BANP: variants seen among roughly 807,000 people sequenced by gnomAD.
BANP encodes protein BANP.
BANP carries 11 observed loss-of-function variants against 68.1 expected under a neutral mutation model. The observed-to-expected ratio is 0.16, with a 90% confidence interval of 0.10 to 0.27. The LOEUF (loss-of-function observed/expected upper bound fraction) is 0.27. Among genes scored for constraint, BANP ranks in the 10% least tolerant of loss-of-function variants. BANP has a pLI of 1.00. For synonymous variants in BANP, 329 were observed against 303.2 expected, an observed-to-expected ratio of 1.09 and a Z score of -0.88; for missense variants, 504 against 722.7, an observed-to-expected ratio of 0.70 and a Z score of 3.47.
At chr16:88,009,175 T>C (rs1598394301) in intron 6 of BANP, among the ~76,000 whole-genome samples, 1 of 152,174 alleles carries the variant, frequency 6.6e-6, no homozygotes, top group Non-Finnish European at 1.5e-5. Flanking sequence ...GTGCCGAGAA[T>C]GGGGCCAGCA....
chr16:88,035,999 G>A (rs762073147), intron 10 of BANP, among the ~76,000 whole-genome samples: 6 of 152,200 alleles, frequency 3.9e-5, no homozygotes, highest in Non-Finnish European at 7.3e-5. Flanking sequence ...ATGTGAAGGC[G>A]GCAGTGACAG....
At chr16:88,044,694 A>G (rs1375481641) in intron 11 of BANP, among the ~76,000 whole-genome samples, 1 of 152,240 alleles carries the variant, frequency 6.6e-6, no homozygotes, top group East Asian at 1.9e-4. Context: ...AAAATTTACA[A>G]CTATATAGGC....
rs768463634 is a variant in BANP at position 88,065,249 on chromosome 16, T to C, written c.1312-18T>C. ...TCTGGAGGCTCCAGGGGAAAATTCG[T>C]TTTCTTGCCTTTTCCAGCTTCTAGA... is the stretch of plus-strand genomic sequence containing the variant. On this transcript the variant is annotated intron_variant, in intron 11 of 13. Transcript: ENST00000682872. 2.7e-6 allele frequency: 2 copies of C among 736,208 alleles called. No homozygotes were observed. Among genetic ancestry groups the C allele is most frequent in the Non-Finnish European group, 5.0e-6 (2 of 402,412 alleles). The allele number at this position is 736,208 out of a possible 1,614,324, so 45.6% of individuals were successfully genotyped here.
Position 88,035,240 on chromosome 16 carries a change from G to C in BANP, c.1201-83G>C. 5.6e-6 allele frequency: 7 copies of C among 1,247,930 alleles called. No individual in the cohort carries two copies. The South Asian group carries it at 9.1e-5, about 16-fold the overall frequency. 77.3% of individuals were successfully genotyped at this position (1,247,930 alleles called of 1,614,324 possible). A position where few individuals can be genotyped will look rare whatever the true frequency, so the allele number is the denominator to read the frequency against. ...TTTTGAATTGTAAACAGATAATCAA[G>C]AACAAACATTCCGGAAGATGTTTCT... On this transcript the variant is annotated intron_variant, in intron 9 of 13. Coordinates refer to ENST00000682872, the MANE Select transcript of BANP (RefSeq NM_001386991.1).
At chr16:88,059,029 C>G (rs2085946025) in intron 11 of BANP, among the ~76,000 whole-genome samples, 1 of 151,708 alleles carries the variant, frequency 6.6e-6, no homozygotes, top group Non-Finnish European at 1.5e-5. Flanking sequence ...AGGGATGTTG[C>G]CTGGTCGGAA....
intron 1 of BANP, chr16:87,963,443 C>CT (rs2059531046): frequency 6.6e-6 from 1 of 152,226 alleles, no homozygotes; most frequent in Non-Finnish European, 1.5e-5. Flanking sequence ...TGGAATGCAT[C>CT]TTTTTAGACT....
chr16:88,021,118 C>T (rs1399109676), intron 7 of BANP, among the ~76,000 whole-genome samples: 3 of 152,206 alleles, frequency 2.0e-5, no homozygotes, highest in East Asian at 1.9e-4. Context: ...GAGTGGGAGC[C>T]TGGCATGGGC....
intron 11 of BANP, among the ~76,000 whole-genome samples, chr16:88,040,915 A>C (rs960178865): frequency 6.6e-6 from 1 of 152,210 alleles, no homozygotes; most frequent in Non-Finnish European, 1.5e-5. Flanking sequence ...CTGATTCCCT[A>C]GTTCCAACTG....
intron 11 of BANP, among the ~76,000 whole-genome samples, chr16:88,040,524 C>T (rs1012576235): frequency 4.0e-5 from 6 of 150,702 alleles, no homozygotes; most frequent in Non-Finnish European, 8.8e-5. Context: ...CCCATTCGCT[C>T]TCCTCCCCGT....
At chr16:87,970,316 G>A (rs192346662) in intron 1 of BANP, 6 of 152,250 alleles carry the variant, frequency 3.9e-5, no homozygotes, top group Non-Finnish European at 7.4e-5. Flanking sequence ...TTGTTTGTTC[G>A]GTAGGGGAGC....
intron 4 of BANP, among the ~76,000 whole-genome samples, chr16:87,986,343 G>A (rs980246700): frequency 1.1e-4 from 16 of 152,214 alleles, no homozygotes; most frequent in African/African-American, 3.9e-4. Context: ...AAAATTGGTC[G>A]TTAGATTCCA....
Position 88,034,885 on chromosome 16 carries a change from A to G in BANP, c.1201-438A>G, listed in dbSNP as rs182873610. ...GTCAACTGTGATCTGAAAATATTAGATGAGAAACTCCAGAAATAAACAATT... is the reference window on the plus strand; with the variant it reads ...GTCAACTGTGATCTGAAAATATTAGGTGAGAAACTCCAGAAATAAACAATT... On this transcript the variant is annotated intron_variant, in intron 9 of 13. Coordinates refer to ENST00000682872, the MANE Select transcript of BANP (RefSeq NM_001386991.1). Among the ~76,000 whole-genome samples, 61 of 152,290 alleles carry G rather than the reference A, an allele frequency of 4.0e-4. 2 individuals are homozygous for G. The East Asian group carries it at 7.9e-3, about 20-fold the overall frequency.
chr16:87,975,106 C>T lies in BANP; in HGVS notation c.-10C>T, dbSNP rs547790639. 1.4e-5 allele frequency: 23 copies of T among 1,613,444 alleles called. No individual in the cohort carries two copies. In the South Asian group the frequency reaches 1.5e-4, roughly 11 times the overall value. On this transcript the variant is annotated 5_prime_UTR_variant, in exon 2 of 14. Transcript: ENST00000682872. The stretch of plus-strand genomic sequence containing the variant: ...TCTTTCGTGTTGACCGGCCACTCTC[C>T]GTGCTCTGGATGATGTCGGAACACG...
chr16:87,975,641 A>T lies in BANP; in HGVS notation c.70+456A>T, dbSNP rs189054752. On this transcript the variant is annotated intron_variant, in intron 2 of 13. Transcript: ENST00000682872. The stretch of plus-strand genomic sequence containing the variant: ...CCTGTGTGCGGCGTCCAGGATCCTT[A>T]CCATGTTGTGTGTGTAATCCCCTGT... Among the ~76,000 whole-genome samples, 27 of 146,536 alleles carry T rather than the reference A, an allele frequency of 1.8e-4. No homozygotes were observed. The East Asian group carries it at 5.5e-3, about 30-fold the overall frequency.
intron 6 of BANP, among the ~76,000 whole-genome samples, chr16:88,009,818 C>G (rs1372215765): frequency 6.8e-6 from 1 of 147,518 alleles, no homozygotes; most frequent in Non-Finnish European, 1.5e-5. Flanking sequence ...GACTATGTCT[C>G]ATTAGAATAA....
intron 1 of BANP, among the ~76,000 whole-genome samples, chr16:87,971,419 T>G (rs2061100226): frequency 6.6e-6 from 1 of 152,228 alleles, no homozygotes; most frequent in Non-Finnish European, 1.5e-5. Flanking sequence ...GATGCTGCCT[T>G]TATACTTGAA....
At chr16:88,040,830 A>C (rs1036186406) in intron 11 of BANP, among the ~76,000 whole-genome samples, 1 of 152,244 alleles carries the variant, frequency 6.6e-6, no homozygotes, top group African/African-American at 2.4e-5. Flanking sequence ...CCCCAACCGG[A>C]GTAAGAGAAC....
rs532119389 is a variant in BANP at position 88,050,082 on chromosome 16, G to C, written c.1311+12071G>C. On this transcript the variant is annotated intron_variant, in intron 11 of 13. Coordinates refer to ENST00000682872, the MANE Select transcript of BANP (RefSeq NM_001386991.1). ...CAGGGATGGGAATCCTTGTCCTCCGGTCTTATTCCTGATGTGTCAGTGAAG... is the reference window on the plus strand; with the variant it reads ...CAGGGATGGGAATCCTTGTCCTCCGCTCTTATTCCTGATGTGTCAGTGAAG... 2.0e-4 allele frequency among the ~76,000 whole-genome samples: 31 copies of C among 152,316 alleles called. No homozygotes were observed. The South Asian group carries it at 6.0e-3, about 30-fold the overall frequency.
intron 1 of BANP, among the ~76,000 whole-genome samples, chr16:87,954,742 C>A (rs147250436): frequency 2.0e-5 from 3 of 152,340 alleles, no homozygotes; most frequent in Non-Finnish European, 2.9e-5. Context: ...CTGCCCTGAT[C>A]GGGTCCTCTG....
Sources: gnomAD v4.1 joint callset for allele counts (sites outside exome capture counted in the v4.1 genomes callset) on GRCh38, gnomAD v4.1.1 for gene constraint, MANE v1.5 for transcripts, NCBI Gene and HGNC (gene_info 2026-07-23, HGNC 2026-07-21) for gene names.